The following SPTBN5 variants were observed in gnomAD, a reference collection of about 807,000 sequenced individuals.
SPTBN5 encodes the protein spectrin beta chain, non-erythrocytic 5.
SPTBN5 carries 513 observed loss-of-function variants against 477.6 expected under a neutral mutation model. The observed-to-expected ratio is 1.07, with a 90% CI of 1.00 to 1.16. The LOEUF (loss-of-function observed/expected upper bound fraction) is 1.16, where lower values mean the gene tolerates loss of function less well. Ranked by LOEUF, SPTBN5 falls within the 50% of genes most tolerant of loss-of-function variation. SPTBN5 has a pLI of 0.00. For missense variants in SPTBN5, 5,062 were observed against 4,731.8 expected (o/e 1.07, Z -2.05); for synonymous variants, 2,169 against 2,011.7 (o/e 1.08, Z -2.09).
rs1373808310 is a variant in SPTBN5, at chr15:41,861,461, C to A, written c.7773G>T (p.Trp2591Cys). The A allele has an allele frequency of 6.2e-7, 1 of 1,613,518 alleles. No individual in the cohort carries two copies. Among genetic ancestry groups the A allele is most frequent in the Non-Finnish European group, 8.5e-7 (1 of 1,179,906 alleles). The change falls in exon 46 of 68, where the codon TGG becomes TGT. Residue 2591 changes from tryptophan (W) to cysteine (C), a missense_variant. Coordinates refer to ENST00000320955, the MANE Select transcript of SPTBN5 (RefSeq NM_016642.4). ...CTAGGGAGTCTTCCTTGCTGCAAAG[C>A]CAACGTTCCATCTTCTCCACTGAGC... ...FLSSVEKMER[W>C]LCSKEDSLAS...
At chr15:41,889,382 G>A (rs1479236417) in intron 4 of SPTBN5, among the ~76,000 whole-genome samples, 5 of 152,054 alleles carry the variant, frequency 3.3e-5, no homozygotes, top group Non-Finnish European at 7.4e-5. Flanking sequence ...TGGCATTTTG[G>A]AAATCATGAA....
At chr15:41,848,678 T>G in intron 67 of SPTBN5, 50 bp from the exon 68 acceptor site, 7 of 1,610,008 alleles carry the variant, frequency 4.3e-6, no homozygotes, top group Non-Finnish European at 5.9e-6. Context: ...CCCCAGAATC[T>G]TCTCCAAACA....
chr15:41,881,452 G>A (rs549362148), intron 12 of SPTBN5, among the ~76,000 whole-genome samples: 3 of 152,196 alleles, frequency 2.0e-5, no homozygotes, highest in Non-Finnish European at 2.9e-5. Context: ...TTTCCACATC[G>A]TGTGCTGCAT....
intron 7 of SPTBN5, among the ~76,000 whole-genome samples, chr15:41,884,110 C>T (rs1185421923): frequency 2.0e-5 from 3 of 152,318 alleles, no homozygotes; most frequent in South Asian, 4.1e-4. Context: ...CTCAGCATCC[C>T]GAGTAGCTGG....
At position 41,862,053 on chromosome 15, in the gene SPTBN5, A is replaced by G. The variant is rs951637731; in HGVS notation, c.7548+77T>C. 3.3e-6 allele frequency: 5 copies of G among 1,496,754 alleles called. No individual in the cohort carries two copies. The African/African-American group carries it at 5.6e-5, about 17-fold the overall frequency. The allele number at this position is 1,496,754 out of a possible 1,614,324, so 92.7% of individuals were successfully genotyped here. Reference sequence around the variant, plus strand: ...GGGCGGGACACTCAGGAGGCCCAAGAGCAAGGAGATGAGAGGAAGGGGAGG... The same window carrying G: ...GGGCGGGACACTCAGGAGGCCCAAGGGCAAGGAGATGAGAGGAAGGGGAGG... On this transcript the variant is annotated intron_variant, in intron 44 of 67. Transcript: ENST00000320955.
Position 41,871,414 on chromosome 15 carries a change from C to G in SPTBN5, c.5408G>C (p.Ser1803Thr). 1 of 1,537,586 alleles carries G rather than the reference C, an allele frequency of 6.5e-7. No individual in the cohort carries two copies. The highest frequency in any genetic ancestry group is 1.7e-4 in the Middle Eastern group (1 of 5,926). Residue 1803 changes from serine (S) to threonine (T), a missense_variant, in exon 29 of 68, where the codon AGT becomes ACT. By Grantham distance (58) the Ser-to-Thr change is moderately conservative. Coordinates refer to ENST00000320955, the MANE Select transcript of SPTBN5 (RefSeq NM_016642.4). ...LAESLLERGH[S>T]AGPMVRQRQQ... The stretch of plus-strand genomic sequence containing the variant: ...CCTCTGACGGACCATGGGGCCAGCA[C>G]TGTGCCCACGCTCTAGCAGGCTCTC...
chr15:41,870,589 G>C (rs1199900911), intron 29 of SPTBN5, 29 bp from the exon 30 acceptor site: 2 of 1,577,552 alleles, frequency 1.3e-6, no homozygotes, highest in Admixed American at 3.4e-5. Flanking sequence ...AGACCAGCCG[G>C]GGATCAGCTG....
Position 41,883,436 on chromosome 15 carries a change from C to A in SPTBN5, c.1571G>T (p.Gly524Val). ...RWQRLLQHLQ[G>V]QRKQVADMQA... ...CATGTCTGCCACCTGCTTCCTCTGTCCCTGTAGATGCTGAAGGAGCCTCTG... is the reference window on the plus strand; with the variant it reads ...CATGTCTGCCACCTGCTTCCTCTGTACCTGTAGATGCTGAAGGAGCCTCTG... The change falls in exon 8 of 68, where the codon GGA becomes GTA. Residue 524 changes from glycine to valine, a missense_variant. Transcript: ENST00000320955. 1 of 1,613,980 alleles carries A rather than the reference C, an allele frequency of 6.2e-7. No homozygotes were observed. The highest frequency in any genetic ancestry group is 8.5e-7 in the Non-Finnish European group (1 of 1,179,898).
At chr15:41,884,858 A>G (rs148399039) in intron 7 of SPTBN5, among the ~76,000 whole-genome samples, 1 of 152,304 alleles carries the variant, frequency 6.6e-6, no homozygotes, top group South Asian at 2.1e-4. Flanking sequence ...GTGCTCGCCT[A>G]AAAGGACACT....
rs746986791 is a variant in SPTBN5, at chr15:41,850,915, C to G, written c.10860G>C (p.Leu3620=). ...SLRLTSGAEI[L]FAAPSEEQAE... ...CCTGCTCTTCGGACGGTGCTGCAAA[C>G]AGGATCTCTGCCCCACTGGTCAGCC... The change falls in exon 66 of 68, where the codon CTG becomes CTC. Residue 3620 remains leucine (L), a synonymous_variant. Coordinates refer to ENST00000320955, the MANE Select transcript of SPTBN5 (RefSeq NM_016642.4). 2 of 1,602,590 alleles carry G rather than the reference C, an allele frequency of 1.2e-6. No individual in the cohort carries two copies. Among genetic ancestry groups the G allele is most frequent in the Non-Finnish European group, 1.7e-6 (2 of 1,175,908 alleles).
At position 41,856,443 on chromosome 15, in the gene SPTBN5, C is replaced by T. The variant is rs759545493; in HGVS notation, c.8964G>A (p.Ala2988=). Residue 2988 remains alanine (A), a synonymous_variant, in exon 53 of 68, where the codon GCG becomes GCA. Transcript: ENST00000320955. ...GCTGCAGCAGAAGCCGCCTCCGCGC[C>T]GCCTCTGCCCGCAGGTGGGCCATGG... The part of the protein sequence containing the change: ...EKAMAHLRAE[A]ARRRLLLQQA... 34 of 1,594,596 alleles carry T rather than the reference C, an allele frequency of 2.1e-5. No homozygotes were observed. The highest frequency in any genetic ancestry group is 2.1e-4 in the Middle Eastern group (1 of 4,730).
intron 17 of SPTBN5, 116 bp downstream of exon 17, chr15:41,878,225 TG>T: frequency 7.8e-7 from 1 of 1,278,636 alleles, no homozygotes; most frequent in Non-Finnish European, 1.1e-6. Flanking sequence ...CCAACCAGTC[TG>T]GGCCCCTCCC....
chr15:41,853,489 G>C, intron 58 of SPTBN5, 42 bp from the exon 59 acceptor site: 1 of 1,542,570 alleles, frequency 6.5e-7, no homozygotes, highest in Non-Finnish European at 8.8e-7. Context: ...GCTGGCTGGG[G>C]AGCAGGGGAG....
Position 41,875,609 on chromosome 15 carries a change from A to G in SPTBN5, c.4136T>C (p.Leu1379Pro). The change falls in exon 22 of 68, where the codon CTG (leucine) becomes CCG (proline). Residue 1379 changes from leucine to proline, a missense_variant. By Grantham distance (98) the Leu-to-Pro change is moderately conservative. Transcript: ENST00000320955. Reference sequence around the variant, plus strand: ...CTGGCCACAGGGCCTCCTACTCAACAGCTCTCTCCCAACCTGGAGTGGAGA... The same window carrying G: ...CTGGCCACAGGGCCTCCTACTCAACGGCTCTCTCCCAACCTGGAGTGGAGA... The part of the protein sequence containing the change: ...VEALQQVGRE[L>P]LSRRPCGQED... The G allele has an allele frequency of 6.3e-7, 1 of 1,591,628 alleles. No homozygotes were observed. Among genetic ancestry groups the G allele is most frequent in the Non-Finnish European group, 8.6e-7 (1 of 1,168,966 alleles).
intron 19 of SPTBN5, 75 bp from the exon 20 acceptor site, chr15:41,876,722 C>A: frequency 6.2e-7 from 1 of 1,601,202 alleles, no homozygotes. Context: ...CTCTCCCCCA[C>A]CCCCTACTCT....
intron 56 of SPTBN5, 71 bp downstream of exon 56, chr15:41,854,711 T>C: frequency 7.4e-7 from 1 of 1,343,196 alleles, no homozygotes; most frequent in South Asian, 1.6e-5. Context: ...AAGCCTGTGG[T>C]AAGGAGGGCT....
At chr15:41,889,417 GA>G (rs144968152) in intron 4 of SPTBN5, among the ~76,000 whole-genome samples, 1,713 of 152,138 alleles carry the variant, frequency 0.011, 31 homozygotes, top group African/African-American at 0.04. Flanking sequence ...TAACTATAAG[GA>G]CTCTTTCTTT....
chr15:41,882,691 T>G lies in SPTBN5; in HGVS notation c.1940A>C (p.Asn647Thr). 1 of 1,609,562 alleles carries G rather than the reference T, an allele frequency of 6.2e-7. No homozygotes were observed. ...QTLQRAEFLR[N>T]CEEEEAWLKE... ...CAGCCAGGCTTCCTCCTCCTCACAG[T>G]TGCGCAGGAACTCTGCCCGCTGCAG... is the stretch of plus-strand genomic sequence containing the variant. Residue 647 changes from asparagine to threonine, a missense_variant, in exon 10 of 68, where the codon AAC becomes ACC. Physicochemically the swap from Asn to Thr is moderately conservative, Grantham distance 65. Transcript: ENST00000320955.
intron 67 of SPTBN5, 51 bp from the exon 68 acceptor site, chr15:41,848,679 TCTC>T: frequency 2.5e-6 from 4 of 1,609,304 alleles, no homozygotes; most frequent in Non-Finnish European, 2.6e-6. Context: ...CCCAGAATCT[TCTC>T]CAAACAAACA....
Sources: allele counts gnomAD v4.1 joint callset (sites outside exome capture counted in the v4.1 genomes callset), GRCh38; gene constraint gnomAD v4.1.1; transcripts MANE v1.5; gene names NCBI Gene and HGNC (gene_info 2026-07-23, HGNC 2026-07-21).